SRD5A1: variants seen among roughly 807,000 people sequenced by gnomAD.
SRD5A1 encodes 3-oxo-5-alpha-steroid 4-dehydrogenase 1.
A neutral mutation model predicts 28.2 loss-of-function variants in SRD5A1; 22 were observed. The observed-to-expected ratio is 0.78, with a 90% CI of 0.56 to 1.12. SRD5A1 has a LOEUF of 1.12. Ranked by LOEUF, SRD5A1 falls within the 50% of genes most tolerant of loss-of-function variation. The pLI, the probability that SRD5A1 is intolerant of heterozygous loss-of-function variation, is 0.00. For missense variants in SRD5A1, 300 were observed against 346.7 expected (o/e 0.87, Z 1.07); for synonymous variants, 151 against 135.0 (o/e 1.12, Z -0.82).
chr5:6,667,168 G>T (rs1350750853), intron 4 of SRD5A1, among the ~76,000 whole-genome samples: 1 of 152,232 alleles, frequency 6.6e-6, no homozygotes, highest in Non-Finnish European at 1.5e-5. Context: ...GCACTCGTGG[G>T]TCCATGCGCC....
chr5:6,666,126 A>T (rs1029428917), intron 4 of SRD5A1, among the ~76,000 whole-genome samples: 1 of 152,174 alleles, frequency 6.6e-6, no homozygotes, highest in African/African-American at 2.4e-5. Context: ...CATGCCAAGG[A>T]TCTATTCCTT....
intron 1 of SRD5A1, among the ~76,000 whole-genome samples, chr5:6,640,268 A>G (rs1560994194): frequency 6.6e-6 from 1 of 152,238 alleles, no homozygotes; most frequent in African/African-American, 2.4e-5. Context: ...AAGGGCATTT[A>G]GTATAGGATT....
chr5:6,645,166 T>C (rs1738473748), intron 1 of SRD5A1: 1 of 367,956 alleles, frequency 2.7e-6, no homozygotes, highest in Non-Finnish European at 5.4e-6. Context: ...GGCTTGAGGA[T>C]GCACAGCCAG....
intron 4 of SRD5A1, among the ~76,000 whole-genome samples, chr5:6,667,330 G>A (rs940179990): frequency 2.6e-5 from 4 of 152,168 alleles, no homozygotes; most frequent in African/African-American, 9.7e-5. Flanking sequence ...AAACGTGGCC[G>A]CCCAGTATGT....
At chr5:6,659,296 C>G (rs778254553) in intron 3 of SRD5A1, among the ~76,000 whole-genome samples, 18 of 151,628 alleles carry the variant, frequency 1.2e-4, no homozygotes, top group South Asian at 2.1e-4. Context: ...TGTATTTTTA[C>G]TAGAGATGGG....
At chr5:6,664,944 A>G (rs1219786874) in intron 4 of SRD5A1, among the ~76,000 whole-genome samples, 1 of 152,266 alleles carries the variant, frequency 6.6e-6, no homozygotes, top group Non-Finnish European at 1.5e-5. Context: ...AAGGAGGCTC[A>G]ATGCCAGGCA....
At chr5:6,648,499 A>G (rs1738574781) in intron 1 of SRD5A1, among the ~76,000 whole-genome samples, 1 of 152,124 alleles carries the variant, frequency 6.6e-6, no homozygotes, top group Admixed American at 6.5e-5. Flanking sequence ...TTCTCGCTTT[A>G]TTTCATTGAG....
chr5:6,651,431 G>C (rs996741743), intron 1 of SRD5A1, among the ~76,000 whole-genome samples: 1 of 152,216 alleles, frequency 6.6e-6, no homozygotes, highest in Non-Finnish European at 1.5e-5. Flanking sequence ...AACAAGGCAG[G>C]AAGATCACTT....
chr5:6,636,810 G>A (rs891906782), intron 1 of SRD5A1, among the ~76,000 whole-genome samples: 2 of 152,170 alleles, frequency 1.3e-5, no homozygotes, highest in Non-Finnish European at 2.9e-5. Context: ...GGGATATAGT[G>A]ACAAGACATT....
At chr5:6,662,696 T>G in intron 3 of SRD5A1, 120 bp from the exon 4 acceptor site, 1 of 1,111,560 alleles carries the variant, frequency 9.0e-7, no homozygotes, top group South Asian at 1.5e-5. Context: ...TAACATTCTG[T>G]AAGGATAATA....
chr5:6,665,880 G>C (rs8192236), intron 4 of SRD5A1, among the ~76,000 whole-genome samples: 4,622 of 152,302 alleles, frequency 0.03, 101 homozygotes, highest in African/African-American at 0.054. Flanking sequence ...CCCAAAGATA[G>C]TCTTTGCAGA....
At chr5:6,640,204 C>T (rs552735797) in intron 1 of SRD5A1, among the ~76,000 whole-genome samples, 1 of 152,244 alleles carries the variant, frequency 6.6e-6, no homozygotes, top group South Asian at 2.1e-4. Flanking sequence ...CTGTGAGCTT[C>T]CACGTTCTGA....
At chr5:6,644,306 A>G (rs1414218802) in intron 1 of SRD5A1, among the ~76,000 whole-genome samples, 3 of 151,930 alleles carry the variant, frequency 2.0e-5, no homozygotes, top group African/African-American at 7.3e-5. Flanking sequence ...TTATGAACTG[A>G]GTCCTTTCTA....
intron 3 of SRD5A1, among the ~76,000 whole-genome samples, chr5:6,659,483 C>T (rs987595312): frequency 6.2e-5 from 9 of 145,310 alleles, no homozygotes; most frequent in African/African-American, 2.3e-4. Flanking sequence ...TATATCCATC[C>T]TAGGCACATT....
intron 2 of SRD5A1, among the ~76,000 whole-genome samples, chr5:6,653,841 A>G (rs1383086638): frequency 1.3e-5 from 2 of 152,200 alleles, no homozygotes; most frequent in African/African-American, 4.8e-5. Context: ...TCCAAACACC[A>G]ATCAATTGTA....
intron 4 of SRD5A1, among the ~76,000 whole-genome samples, chr5:6,663,525 C>T (rs956049022): frequency 2.0e-5 from 3 of 152,128 alleles, no homozygotes; most frequent in Non-Finnish European, 4.4e-5. Context: ...TTATCTGATC[C>T]CCCAAAAGGC....
At chr5:6,637,349 T>A (rs959829026) in intron 1 of SRD5A1, among the ~76,000 whole-genome samples, 1 of 150,842 alleles carries the variant, frequency 6.6e-6, no homozygotes, top group African/African-American at 2.5e-5. Context: ...ACCCAGGTCC[T>A]CATCATCTGT....
intron 2 of SRD5A1, 114 bp from the exon 3 acceptor site, chr5:6,655,964 A>C: frequency 1.3e-6 from 1 of 750,532 alleles, no homozygotes; most frequent in South Asian, 1.6e-5. Context: ...CTAATATGTT[A>C]CACTAACAAT....
At chr5:6,666,414 C>G (rs1465688131) in intron 4 of SRD5A1, among the ~76,000 whole-genome samples, 1 of 152,154 alleles carries the variant, frequency 6.6e-6, no homozygotes, top group Non-Finnish European at 1.5e-5. Context: ...TCCCAAAGCA[C>G]TGGAATTACA....
Sources: allele counts gnomAD v4.1 joint callset (sites outside exome capture counted in the v4.1 genomes callset), GRCh38; gene constraint gnomAD v4.1.1; transcripts MANE v1.5; gene names NCBI Gene and HGNC (gene_info 2026-07-23, HGNC 2026-07-21).